Variants in ARAP1 observed in about 807,000 individuals in gnomAD.
ARAP1 encodes the protein ArfGAP with RhoGAP domain, ankyrin repeat and PH domain 1, also known as arf-GAP with Rho-GAP domain, ANK repeat and PH domain-containing protein 1.
A neutral mutation model predicts 172.2 loss-of-function variants in ARAP1; 76 were observed. The observed-to-expected ratio is 0.44, with a 90% CI of 0.37 to 0.53. The LOEUF is 0.53. Among genes scored for constraint, ARAP1 ranks in the 20% least tolerant of loss-of-function variants. The pLI is 0.00. For synonymous variants in ARAP1, 804 were observed against 803.3 expected (o/e 1.00, Z -0.01); for missense variants, 1,686 against 1,977.5 (o/e 0.85, Z 2.80).
chr11:72,688,556 A>T lies in ARAP1; in HGVS notation c.3988-19T>A. On this transcript the variant is annotated intron_variant, in intron 30 of 34. Coordinates refer to ENST00000393609, the MANE Select transcript of ARAP1 (RefSeq NM_001040118.3). ...GGTGACTCTGAGGTAGGGCAAGGAG[A>T]AGAGGGCACTTTAGTCTGCAGAAAG... 6.2e-7 allele frequency: 1 copy of T among 1,606,206 alleles called. No individual in the cohort carries two copies. Among genetic ancestry groups the T allele is most frequent in the East Asian group, 2.2e-5 (1 of 44,818 alleles).
At chr11:72,714,037 G>A (rs575444063) in intron 4 of ARAP1, 115 bp downstream of exon 4, 1 of 1,181,424 alleles carries the variant, frequency 8.5e-7, no homozygotes, top group East Asian at 3.1e-5. Context: ...CACACAGTGG[G>A]CTGGTGGCAG....
At chr11:72,731,445 C>T (rs979663264) in intron 2 of ARAP1, among the ~76,000 whole-genome samples, 1 of 152,182 alleles carries the variant, frequency 6.6e-6, no homozygotes, top group Non-Finnish European at 1.5e-5. Flanking sequence ...TTCTCTCTTG[C>T]TTCCTCCCTC....
intron 1 of ARAP1, among the ~76,000 whole-genome samples, chr11:72,751,711 TC>T (rs1858536160): frequency 6.6e-6 from 1 of 150,834 alleles, no homozygotes; most frequent in African/African-American, 2.4e-5. Flanking sequence ...CTGGCCAGAT[TC>T]CCCCCCTCCC....
intron 12 of ARAP1, 25 bp downstream of exon 12, chr11:72,707,149 TG>T: frequency 6.5e-7 from 1 of 1,530,756 alleles, no homozygotes; most frequent in Non-Finnish European, 8.8e-7. Context: ...TGCCTCTGCC[TG>T]GTGCCCCGAC....
chr11:72,693,045 G>A lies in ARAP1; in HGVS notation c.3955-260C>T. The A allele has an allele frequency of 1.6e-6, 1 of 641,426 alleles. No homozygotes were observed. The highest frequency in any genetic ancestry group is 2.7e-6 in the Non-Finnish European group (1 of 366,932). The allele number at this position is 641,426 out of a possible 1,614,324, so 39.7% of individuals were successfully genotyped here. A position where few individuals can be genotyped will look rare whatever the true frequency, so the allele number is the denominator to read the frequency against. ...TGTCATCAAGTAACAGGTTCCTGTG[G>A]ATGCAGTGATAAGGCACAGGCACAG... On this transcript the variant is annotated intron_variant, in intron 29 of 34. Transcript: ENST00000393609. This position sits in a 1 kb window ranked among gnomAD's most constrained non-coding sequence, Gnocchi z 4.6.
chr11:72,751,278 G>A (rs1256537243), intron 1 of ARAP1, among the ~76,000 whole-genome samples: 1 of 152,130 alleles, frequency 6.6e-6, no homozygotes, highest in Non-Finnish European at 1.5e-5. Flanking sequence ...CCACCTTTCT[G>A]CCATTCCTCA....
intron 12 of ARAP1, among the ~76,000 whole-genome samples, chr11:72,706,773 G>A (rs1476795012): frequency 6.6e-6 from 1 of 151,896 alleles, no homozygotes; most frequent in South Asian, 2.1e-4. Flanking sequence ...GCCTCCCATC[G>A]CCCTCCAGAC....
At position 72,710,778 on chromosome 11, in the gene ARAP1, A is replaced by T. The variant is rs1591205111; in HGVS notation, c.1214-191T>A. ...CTATGCCACTGATGCTGGGCAAGTGACCTCACCCCTCCAAGCCTGCTCCCG... is the reference window on the plus strand; with the variant it reads ...CTATGCCACTGATGCTGGGCAAGTGTCCTCACCCCTCCAAGCCTGCTCCCG... On this transcript the variant is annotated intron_variant, in intron 9 of 34. Coordinates refer to ENST00000393609, the MANE Select transcript of ARAP1 (RefSeq NM_001040118.3). The surrounding 1 kb of genome is among the most constrained non-coding windows in gnomAD (Gnocchi z 4.3). 6.6e-6 allele frequency among the ~76,000 whole-genome samples: 1 copy of T among 152,058 alleles called. No homozygotes were observed. The highest frequency in any genetic ancestry group is 2.1e-4 in the South Asian group (1 of 4,826).
intron 34 of ARAP1, 163 bp from the exon 35 acceptor site, chr11:72,685,844 G>C: frequency 7.5e-7 from 1 of 1,338,562 alleles, no homozygotes; most frequent in East Asian, 2.4e-5. Flanking sequence ...GGGACTCCCA[G>C]CTTCCAGGGC....
At position 72,727,041 on chromosome 11, in the gene ARAP1, G is replaced by A. The variant is rs1219359341; in HGVS notation, c.88C>T (p.His30Tyr). 6.2e-7 allele frequency: 1 copy of A among 1,610,236 alleles called. No homozygotes were observed. The highest frequency in any genetic ancestry group is 8.5e-7 in the Non-Finnish European group (1 of 1,178,374). Residue 30 changes from histidine (H) to tyrosine (Y), a missense_variant, in exon 3 of 35, where the codon CAT becomes TAT. Around this residue, in one of 5 missense-constraint regions of ARAP1, gnomAD observed 190 missense variants for 228.6 expected, o/e 0.83. Transcript: ENST00000393609. ...LEQYTGLFEQ[H>Y]GLVWATECQG... is the part of the protein sequence containing the mutation. Reference sequence around the variant, plus strand: ...CACTCAGTGGCCCACACCAGGCCATGCTGCTCAAAGAGCCCCGTGTACTGC... The same window carrying A: ...CACTCAGTGGCCCACACCAGGCCATACTGCTCAAAGAGCCCCGTGTACTGC...
In ARAP1 at chr11:72,693,496, C is replaced by A. The variant is rs758029964; in HGVS notation, c.3809-26G>T. On this transcript the variant is annotated intron_variant, in intron 28 of 34. Coordinates refer to ENST00000393609, the MANE Select transcript of ARAP1 (RefSeq NM_001040118.3). This position sits in a 1 kb window ranked among gnomAD's most constrained non-coding sequence, Gnocchi z 4.6. ...CTGGGGGGTGGGACTGGAGTGGGCA[C>A]AGGCTGCACCAACCCCTACCCGGGG... 1 of 1,602,604 alleles carries A rather than the reference C, an allele frequency of 6.2e-7. No individual in the cohort carries two copies. The highest frequency in any genetic ancestry group is 8.5e-7 in the Non-Finnish European group (1 of 1,172,294).
intron 4 of ARAP1, among the ~76,000 whole-genome samples, chr11:72,713,691 C>T (rs35640486): frequency 0.089 from 13,453 of 151,780 alleles, 991 homozygotes; most frequent in East Asian, 0.35. Flanking sequence ...ACTAAAAATA[C>T]AAAAAATTAG....
chr11:72,718,281 A>G (rs557868635), intron 3 of ARAP1, among the ~76,000 whole-genome samples: 1 of 152,068 alleles, frequency 6.6e-6, no homozygotes, highest in East Asian at 1.9e-4. Context: ...CCCTACCGAG[A>G]ACAGGGCCCA....
In ARAP1 at chr11:72,709,783, T is replaced by C; in HGVS notation, c.1523+87A>G. On this transcript the variant is annotated intron_variant, in intron 11 of 34. Coordinates refer to ENST00000393609, the MANE Select transcript of ARAP1 (RefSeq NM_001040118.3). ...GGGCAGGGTGAGGGAACCCATCCCATAGGAAGGGGCAGCTTCCCACGTCGC... is the reference window on the plus strand; with the variant it reads ...GGGCAGGGTGAGGGAACCCATCCCACAGGAAGGGGCAGCTTCCCACGTCGC... 7 of 1,412,070 alleles carry C rather than the reference T, an allele frequency of 5.0e-6. No individual in the cohort carries two copies. The South Asian group carries it at 5.8e-5, about 12-fold the overall frequency. 87.5% of individuals were successfully genotyped at this position (1,412,070 alleles called of 1,614,324 possible).
At chr11:72,704,393 A>C in intron 13 of ARAP1, 59 bp from the exon 14 acceptor site, 1 of 1,476,402 alleles carries the variant, frequency 6.8e-7, no homozygotes, top group Admixed American at 2.6e-5. Flanking sequence ...CGTGCCGGGC[A>C]GAAACTTGGT....
chr11:72,734,066 T>C (rs1249903607), intron 1 of ARAP1, among the ~76,000 whole-genome samples: 1 of 152,094 alleles, frequency 6.6e-6, no homozygotes, highest in African/African-American at 2.4e-5. Context: ...CCTCAAGTGA[T>C]CCACCCACCT....
In ARAP1 at chr11:72,713,216, T is replaced by C. The variant is rs1191531584; in HGVS notation, c.707A>G (p.Glu236Gly). The C allele has an allele frequency of 6.2e-7, 1 of 1,613,616 alleles. No homozygotes were observed. Among genetic ancestry groups the C allele is most frequent in the Non-Finnish European group, 8.5e-7 (1 of 1,179,784 alleles). ...FDDSDYDEVP[E>G]EGPGAPARVM... is the part of the protein sequence containing the mutation. Reference sequence around the variant, plus strand: ...TCTGGCTGGGGCCCCCGGCCCCTCCTCTGGGACCTCATCGTAGTCAGAGTC... The same window carrying C: ...TCTGGCTGGGGCCCCCGGCCCCTCCCCTGGGACCTCATCGTAGTCAGAGTC... The change falls in exon 5 of 35, where the codon GAG (glutamate) becomes GGG (glycine). Residue 236 changes from glutamate to glycine, a missense_variant. Coordinates refer to ENST00000393609, the MANE Select transcript of ARAP1 (RefSeq NM_001040118.3).
Position 72,697,179 on chromosome 11 carries a change from GC to G in ARAP1, c.2969del (p.Gly990AlafsTer60), listed in dbSNP as rs1327179762. On this transcript the variant is annotated frameshift_variant, in exon 22 of 35. Coordinates refer to ENST00000393609, the MANE Select transcript of ARAP1 (RefSeq NM_001040118.3). LOFTEE classifies it high-confidence loss of function. Reference protein sequence around the residue: ...YITQCGLTSEGIYRKCGQTSK... With the variant: ...YITQCGLTSEXIYRKCGQTSK... ...ATGTCTGCCCACACTTGCGGTAGAT[GC>G]CCTCGGAGGTCAGGCCTAGGGAGGG... is the stretch of plus-strand genomic sequence containing the variant. The G allele has an allele frequency of 6.2e-7, 1 of 1,602,478 alleles. No homozygotes were observed.
Position 72,714,245 on chromosome 11 carries a change from A to G in ARAP1, c.586T>C (p.Ser196Pro). The part of the protein sequence containing the change: ...PPQPQSEEPL[S>P]TLPQGPPQPP... ...TGGGGAGGCCCCTGGGGGAGGGTGG[A>G]CAGGGGCTCCTCAGACTGTGGCTGG... The change falls in exon 4 of 35, where the codon TCC becomes CCC. Residue 196 changes from serine to proline, a missense_variant. Ser to Pro is a moderately conservative substitution (Grantham distance 74). Around this residue, in one of 5 missense-constraint regions of ARAP1, gnomAD observed 155 missense variants for 129.2 expected, o/e 1.20. Coordinates refer to ENST00000393609, the MANE Select transcript of ARAP1 (RefSeq NM_001040118.3). The G allele has an allele frequency of 6.5e-7, 1 of 1,531,124 alleles. No individual in the cohort carries two copies. Among genetic ancestry groups the G allele is most frequent in the Non-Finnish European group, 8.8e-7 (1 of 1,141,270 alleles). The allele number at this position is 1,531,124 out of a possible 1,614,324, so 94.8% of individuals were successfully genotyped here.
Sources: gnomAD v4.1 joint callset for allele counts (sites outside exome capture counted in the v4.1 genomes callset) on GRCh38, gnomAD v4.1.1 for gene constraint, gnomAD v4.1.1 regional missense constraint, Gnocchi (gnomAD v3.1) non-coding constraint, MANE v1.5 for transcripts, NCBI Gene and HGNC (gene_info 2026-07-23, HGNC 2026-07-21) for gene names.